Variants in MKRN2 observed in about 807,000 individuals in gnomAD.
MKRN2 encodes the protein makorin ring finger protein 2.
MKRN2 carries 32 observed loss-of-function variants against 45.4 expected under a neutral mutation model. The observed-to-expected ratio is 0.70, with a 90% CI of 0.53 to 0.95. MKRN2 has a LOEUF of 0.95. Ranked by LOEUF, MKRN2 falls within the 40% of genes least tolerant of loss-of-function variation. The pLI is 0.00. For missense variants in MKRN2, 526 were observed against 536.7 expected (o/e 0.98, Z 0.20); for synonymous variants, 206 against 192.4 (o/e 1.07, Z -0.59).
chr3:12,569,103 T>A, intron 2 of MKRN2, 100 bp downstream of exon 2: 1 of 1,366,992 alleles, frequency 7.3e-7, no homozygotes, highest in Non-Finnish European at 9.8e-7. Context: ...TATGGCAACA[T>A]CACAAAAAGT....
At position 12,569,082 on chromosome 3, in the gene MKRN2, T is replaced by C. The variant is rs2058084249; in HGVS notation, c.155+79T>C. The C allele has an allele frequency of 5.4e-6, 8 of 1,483,512 alleles. No homozygotes were observed. The South Asian group carries it at 9.3e-5, about 17-fold the overall frequency. The allele number at this position is 1,483,512 out of a possible 1,614,324, so 91.9% of individuals were successfully genotyped here. A position where few individuals can be genotyped will look rare whatever the true frequency, so the allele number is the denominator to read the frequency against. ...GGTCTTGATAAGGGGGAAATTTTAA[T>C]GTAAAAGTAATATGGCAACATCACA... On this transcript the variant is annotated intron_variant, in intron 2 of 7. Transcript: ENST00000170447.
At position 12,576,786 on chromosome 3, in the gene MKRN2, T is replaced by A. The variant is rs532287409; in HGVS notation, c.968+45T>A. 5 of 1,391,438 alleles carry A rather than the reference T, an allele frequency of 3.6e-6. No individual in the cohort carries two copies. In the South Asian group the frequency reaches 5.8e-5, roughly 16 times the overall value. The allele number at this position is 1,391,438 out of a possible 1,614,324, so 86.2% of individuals were successfully genotyped here. A position where few individuals can be genotyped will look rare whatever the true frequency, so the allele number is the denominator to read the frequency against. ...GACGTGCCCCTGCTGCCTGCCTGGCTCTGCTGTCAGCCCGTGTCCTCGTTC... is the reference window on the plus strand; with the variant it reads ...GACGTGCCCCTGCTGCCTGCCTGGCACTGCTGTCAGCCCGTGTCCTCGTTC... On this transcript the variant is annotated intron_variant, in intron 6 of 7. Transcript: ENST00000170447.
At chr3:12,563,181 C>T (rs1032835255) in intron 1 of MKRN2, among the ~76,000 whole-genome samples, 4 of 152,138 alleles carry the variant, frequency 2.6e-5, no homozygotes, top group African/African-American at 9.7e-5. Flanking sequence ...TTTGTAGGCT[C>T]AGAAATTTGA....
chr3:12,574,809 C>G lies in MKRN2; in HGVS notation c.660C>G (p.Phe220Leu), dbSNP rs756518735. Reference sequence around the variant, plus strand: ...TGCTTCAGATCTGCATGTTGACGTTCGAACACGAGATGGAAAAGGCCTTTG... The same window carrying G: ...TGCTTCAGATCTGCATGTTGACGTTGGAACACGAGATGGAAAAGGCCTTTG... Reference protein sequence around the residue: ...KAHEKICMLTFEHEMEKAFAF... With the variant: ...KAHEKICMLTLEHEMEKAFAF... The change falls in exon 5 of 8, where the codon TTC (phenylalanine) becomes TTG (leucine). Residue 220 changes from phenylalanine (F) to leucine (L), a missense_variant. Coordinates refer to ENST00000170447, the MANE Select transcript of MKRN2 (RefSeq NM_014160.5). 3.2e-5 allele frequency: 51 copies of G among 1,613,348 alleles called. No homozygotes were observed. The highest frequency in any genetic ancestry group is 3.9e-5 in the Non-Finnish European group (46 of 1,179,870).
chr3:12,569,465 T>G (rs909269296), intron 2 of MKRN2, among the ~76,000 whole-genome samples: 20 of 152,194 alleles, frequency 1.3e-4, no homozygotes, highest in African/African-American at 4.3e-4. Flanking sequence ...TGGCCTAATT[T>G]TCATTTTTTA....
Position 12,581,926 on chromosome 3 carries a change from C to G in MKRN2, c.1087C>G (p.Gln363Glu). ...AGCAGAGCCTGAGAAACCTCGGAAA[C>G]AGCTCAGTTCTCAAGGCACTGTGAG... ...RLAEPEKPRK[Q>E]LSSQGTVRFF... The change falls in exon 7 of 8, where the codon CAG becomes GAG. Residue 363 changes from glutamine to glutamate, a missense_variant. Gln to Glu is a conservative substitution (Grantham distance 29). Coordinates refer to ENST00000170447, the MANE Select transcript of MKRN2 (RefSeq NM_014160.5). 6.2e-7 allele frequency: 1 copy of G among 1,614,176 alleles called. No homozygotes were observed. Among genetic ancestry groups the G allele is most frequent in the Non-Finnish European group, 8.5e-7 (1 of 1,180,040 alleles).
chr3:12,557,228 G>T lies in MKRN2; in HGVS notation c.26+52G>T, dbSNP rs544120713. On this transcript the variant is annotated intron_variant, in intron 1 of 7. Coordinates refer to ENST00000170447, the MANE Select transcript of MKRN2 (RefSeq NM_014160.5). ...GGGCCGCTCCCCCAGGCCGCAGGGG[G>T]GCCGGTGCGCGCCAGTGCTGTGGTC... is the stretch of plus-strand genomic sequence containing the variant. 15 of 1,520,768 alleles carry T rather than the reference G, an allele frequency of 9.9e-6. No individual in the cohort carries two copies. In the African/African-American group the frequency reaches 1.0e-4, roughly 10 times the overall value. The allele number at this position is 1,520,768 out of a possible 1,614,324, so 94.2% of individuals were successfully genotyped here.
At chr3:12,571,701 G>GC (rs2058100634) in intron 3 of MKRN2, among the ~76,000 whole-genome samples, 1 of 152,130 alleles carries the variant, frequency 6.6e-6, no homozygotes, top group Non-Finnish European at 1.5e-5. Flanking sequence ...GAAACACTGT[G>GC]TTCTAGTGCT....
At chr3:12,576,429 A>G (rs1464527391) in intron 5 of MKRN2, among the ~76,000 whole-genome samples, 1 of 151,990 alleles carries the variant, frequency 6.6e-6, no homozygotes, top group Non-Finnish European at 1.5e-5. Flanking sequence ...ATGTTCCCCC[A>G]CATGTGTCCA....
chr3:12,577,944 T>G (rs1384515535), intron 6 of MKRN2, among the ~76,000 whole-genome samples: 1 of 152,150 alleles, frequency 6.6e-6, no homozygotes, highest in East Asian at 1.9e-4. Flanking sequence ...CCCAAAGTGC[T>G]GGGATTACAG....
chr3:12,581,151 A>C (rs575074324), intron 6 of MKRN2, among the ~76,000 whole-genome samples: 3 of 152,228 alleles, frequency 2.0e-5, no homozygotes, highest in Admixed American at 1.3e-4. Flanking sequence ...ATTAAGAGAG[A>C]GGGAAAACAT....
intron 2 of MKRN2, 62 bp downstream of exon 2, chr3:12,569,065 T>A (rs1426144447): frequency 6.5e-7 from 1 of 1,535,132 alleles, no homozygotes; most frequent in East Asian, 2.3e-5. Flanking sequence ...TGGGTCTTGA[T>A]AAGGGGGAAA....
intron 4 of MKRN2, among the ~76,000 whole-genome samples, chr3:12,573,158 G>A (rs73128392): frequency 0.013 from 1,999 of 152,236 alleles, 37 homozygotes; most frequent in African/African-American, 0.045. Flanking sequence ...AGTCATTAAT[G>A]TCTGCAGTGT....
At chr3:12,580,028 G>T (rs1212976431) in intron 6 of MKRN2, among the ~76,000 whole-genome samples, 1 of 152,252 alleles carries the variant, frequency 6.6e-6, no homozygotes, top group Non-Finnish European at 1.5e-5. Flanking sequence ...GCAGGCCCCA[G>T]AGGCTTCCAC....
At chr3:12,567,993 C>T (rs1463267575) in intron 1 of MKRN2, among the ~76,000 whole-genome samples, 1 of 152,194 alleles carries the variant, frequency 6.6e-6, no homozygotes, top group Non-Finnish European at 1.5e-5. Context: ...ACATCTGAAA[C>T]AATGTATGAG....
At position 12,583,092 on chromosome 3, in the gene MKRN2, T is replaced by C. The variant is rs1361801345; in HGVS notation, c.*839T>C. On this transcript the variant is annotated 3_prime_UTR_variant, in exon 8 of 8. Coordinates refer to ENST00000170447, the MANE Select transcript of MKRN2 (RefSeq NM_014160.5). ...GAACTCAAATATACGTGCACTTACA[T>C]GTGTGGTTCGTACTCAAGTGATCTA... is the stretch of plus-strand genomic sequence containing the variant. 1 of 152,256 alleles carries C rather than the reference T, an allele frequency of 6.6e-6. No individual in the cohort carries two copies. Among genetic ancestry groups the C allele is most frequent in the Non-Finnish European group, 1.5e-5 (1 of 68,050 alleles). The allele number at this position is 152,256 out of a possible 1,614,324, so 9.4% of individuals were successfully genotyped here.
At chr3:12,571,818 T>C (rs1395919203) in intron 3 of MKRN2, among the ~76,000 whole-genome samples, 1 of 152,220 alleles carries the variant, frequency 6.6e-6, no homozygotes, top group Non-Finnish European at 1.5e-5. Flanking sequence ...TATATCCTAT[T>C]GTTTTGCTAT....
intron 5 of MKRN2, 133 bp from the exon 6 acceptor site, chr3:12,576,498 T>C: frequency 1.7e-6 from 1 of 590,034 alleles, no homozygotes; most frequent in East Asian, 3.1e-5. Flanking sequence ...TGGATGATTG[T>C]GATTTCATCT....
intron 2 of MKRN2, 26 bp downstream of exon 2, chr3:12,569,029 C>A: frequency 6.3e-7 from 1 of 1,595,662 alleles, no homozygotes. Flanking sequence ...CAGATTCCAG[C>A]TGTGACACTG....
Sources: gnomAD v4.1 joint callset for allele counts (sites outside exome capture counted in the v4.1 genomes callset) on GRCh38, gnomAD v4.1.1 for gene constraint, MANE v1.5 for transcripts, NCBI Gene and HGNC (gene_info 2026-07-23, HGNC 2026-07-21) for gene names.